Variants in CHAF1A observed in about 807,000 individuals in gnomAD.
CHAF1A encodes the protein CAF-1 subunit A.
A neutral mutation model predicts 93.2 loss-of-function variants in CHAF1A; 5 were observed. The ratio of observed to expected loss-of-function variants is 0.05; its 90% CI spans 0.03 to 0.11. The LOEUF (loss-of-function observed/expected upper bound fraction) is 0.11. CHAF1A is among the 10% of genes least tolerant of loss of function. The pLI, the probability that CHAF1A is intolerant of heterozygous loss-of-function variation, is 1.00. For missense variants in CHAF1A, 1,102 were observed against 1,259.9 expected (o/e 0.87, Z 1.90); for synonymous variants, 504 against 510.3 (o/e 0.99, Z 0.17).
At chr19:4,426,420 G>A (rs1262533815) in intron 7 of CHAF1A, among the ~76,000 whole-genome samples, 1 of 151,930 alleles carries the variant, frequency 6.6e-6, no homozygotes, top group South Asian at 2.1e-4. Flanking sequence ...CGCCCGCCTC[G>A]GCCTCCCAAA....
At chr19:4,405,808 T>C (rs1449688854) in intron 1 of CHAF1A, 104 bp from the exon 2 acceptor site, 1 of 968,100 alleles carries the variant, frequency 1.0e-6, no homozygotes, top group Non-Finnish European at 1.7e-6. Flanking sequence ...GACAGAGGGG[T>C]CAGAATTGCC....
chr19:4,446,405 G>A (rs148557515), downstream of CHAF1A: 153 of 1,577,950 alleles, frequency 9.7e-5, 1 homozygote, highest in East Asian at 2.9e-3. Flanking sequence ...CCGCTCCACC[G>A]CCTCGGACCT....
At position 4,422,634 on chromosome 19, in the gene CHAF1A, G is replaced by A; in HGVS notation, c.1086G>A (p.Glu362=). 2.5e-6 allele frequency: 4 copies of A among 1,598,638 alleles called. No homozygotes were observed. Among genetic ancestry groups the A allele is most frequent in the Non-Finnish European group, 2.6e-6 (3 of 1,172,616 alleles). Residue 362 remains glutamate, a synonymous_variant, in exon 5 of 15, where the codon GAG becomes GAA. Transcript: ENST00000301280. The surrounding 1 kb of genome is among the most constrained non-coding windows in gnomAD (Gnocchi z 4.6). ...GGGAAGAAAAGGAGAAGCTGAAAGA[G>A]GAGGCCAAGCGGGCCAAGGAGGAGG... The part of the protein sequence containing the change: ...AEREEKEKLK[E]EAKRAKEEAK...
At chr19:4,450,740 C>A in the CHAF1A span, 1 of 104,632 alleles carries the variant, frequency 9.6e-6, no homozygotes, top group African/African-American at 3.8e-5. Flanking sequence ...GCCTGGGCGA[C>A]AGAGCGAGAC....
the CHAF1A span, chr19:4,450,355 G>C: frequency 6.6e-6 from 1 of 151,926 alleles, no homozygotes; most frequent in East Asian, 1.9e-4. Flanking sequence ...ATTATACAGA[G>C]ATCAAAAAAT....
Position 4,408,151 on chromosome 19 carries a change from T to C in CHAF1A, c.104-752T>C, listed in dbSNP as rs575048284. ...CCTCCCGAAGTGCTGGGATTATAGA[T>C]GTAAGTCAGTGTACCTGGCTTCAGA... On this transcript the variant is annotated intron_variant, in intron 2 of 14. Coordinates refer to ENST00000301280, the MANE Select transcript of CHAF1A (RefSeq NM_005483.3). Among the ~76,000 whole-genome samples the C allele has an allele frequency of 6.6e-4, 100 of 150,432 alleles. 1 individual carries two copies. The highest frequency in any genetic ancestry group is 2.4e-3 in the African/African-American group (97 of 41,024).
At position 4,433,106 on chromosome 19, in the gene CHAF1A, T is replaced by C. The variant is rs764215462; in HGVS notation, c.2240T>C (p.Val747Ala). 1.1e-5 allele frequency: 17 copies of C among 1,601,460 alleles called. No individual in the cohort carries two copies. Among genetic ancestry groups the C allele is most frequent in the Middle Eastern group, 1.7e-4 (1 of 6,020 alleles). Residue 747 changes from valine to alanine, a missense_variant, in exon 13 of 15, where the codon GTG (valine) becomes GCG (alanine). Val to Ala is a moderately conservative substitution (Grantham distance 64, BLOSUM62 0). Coordinates refer to ENST00000301280, the MANE Select transcript of CHAF1A (RefSeq NM_005483.3). This position sits in a 1 kb window ranked among gnomAD's most constrained non-coding sequence, Gnocchi z 5.6. ...AQLLPLLHGN[V>A]NGSKVIIREF... ...CTGCTGCCGCTCCTGCACGGCAATG[T>C]GAACGGGAGCAAGGTCATCATCCGG...
intron 7 of CHAF1A, among the ~76,000 whole-genome samples, 187 bp downstream of exon 7, chr19:4,424,061 A>G (rs886345637): frequency 5.3e-5 from 8 of 152,202 alleles, no homozygotes; most frequent in African/African-American, 1.9e-4. Context: ...TGTCCCAAAG[A>G]GGTAAAAAGT....
rs1420498643 is a variant in CHAF1A, at chr19:4,428,769, C to T, written c.1483C>T (p.Leu495=). 6.2e-7 allele frequency: 1 copy of T among 1,614,070 alleles called. No homozygotes were observed. The highest frequency in any genetic ancestry group is 1.7e-5 in the Admixed American group (1 of 60,008). ...TTTCCATCCAGACCTCTGCAGTCAG[C>T]TGGACCAGCTCCTCCAGCAGCAGAG... ...TAFHPDLCSQ[L]DQLLQQQSGE... The change falls in exon 8 of 15, where the codon CTG becomes TTG. Residue 495 remains leucine (L), a synonymous_variant. Transcript: ENST00000301280.
intron 12 of CHAF1A, among the ~76,000 whole-genome samples, chr19:4,432,534 G>T (rs1974204079): frequency 1.3e-5 from 2 of 152,126 alleles, no homozygotes; most frequent in South Asian, 4.1e-4. Flanking sequence ...GCCAAGGTGG[G>T]AGGATCGCTT....
chr19:4,446,211 G>A (rs767015341), downstream of CHAF1A: 3 of 1,592,602 alleles, frequency 1.9e-6, no homozygotes, highest in Non-Finnish European at 2.6e-6. Context: ...GGGAGTGGGG[G>A]AGTCAGAGCG....
rs375468594 is a variant in CHAF1A, at chr19:4,422,837, G to A, written c.1247+42G>A. The A allele has an allele frequency of 5.1e-6, 8 of 1,576,872 alleles. No homozygotes were observed. Among genetic ancestry groups the A allele is most frequent in the Admixed American group, 5.1e-5 (3 of 59,208 alleles). On this transcript the variant is annotated intron_variant, in intron 5 of 14. Transcript: ENST00000301280. The surrounding 1 kb of genome is among the most constrained non-coding windows in gnomAD (Gnocchi z 4.6). ...GCCATGCTGGGCCCGCCACCCTGCT[G>A]CTGGATTCCGCTCCTGGCCACTCTG...
chr19:4,427,775 A>C (rs1461144286), intron 7 of CHAF1A, among the ~76,000 whole-genome samples: 2 of 152,140 alleles, frequency 1.3e-5, no homozygotes, highest in Non-Finnish European at 2.9e-5. Flanking sequence ...TTTAGTAGAG[A>C]CCGGGTTTCA....
At chr19:4,415,281 TTTAAA>T (rs1232465283) in intron 3 of CHAF1A, among the ~76,000 whole-genome samples, 3 of 152,160 alleles carry the variant, frequency 2.0e-5, no homozygotes, top group Admixed American at 6.5e-5. Context: ...AGATACCAGT[TTTAAA>T]TTAAGCAGTA....
rs1455514683 is a variant in CHAF1A, at chr19:4,428,711, G to A, written c.1425G>A (p.Glu475=). Residue 475 remains glutamate, a synonymous_variant, in exon 8 of 15, where the codon GAG becomes GAA. Transcript: ENST00000301280. ...AGTTTGCCCCCTTTGAAATTAAAGA[G>A]CACATGGTCCTGGCCCCTCGGCGTC... ...CGKFAPFEIK[E]HMVLAPRRRT... 1 of 1,614,172 alleles carries A rather than the reference G, an allele frequency of 6.2e-7. No homozygotes were observed. The highest frequency in any genetic ancestry group is 8.5e-7 in the Non-Finnish European group (1 of 1,180,034).
intron 7 of CHAF1A, among the ~76,000 whole-genome samples, 188 bp from the exon 8 acceptor site, chr19:4,428,476 C>A (rs1599654444): frequency 6.6e-6 from 1 of 152,166 alleles, no homozygotes; most frequent in East Asian, 1.9e-4. Context: ...GCCCTTGAGA[C>A]TGCCAATCTG....
rs370475592 is a variant in CHAF1A at position 4,414,288 on chromosome 19, C to T, written c.961-3732C>T. On this transcript the variant is annotated intron_variant, in intron 3 of 14. Coordinates refer to ENST00000301280, the MANE Select transcript of CHAF1A (RefSeq NM_005483.3). ...TGGGGGTGCACACCTGTAGTCCCAG[C>T]TCCTTGGGAGGCTGAGGTGGAAGGA... is the stretch of plus-strand genomic sequence containing the variant. Among the ~76,000 whole-genome samples the T allele has an allele frequency of 2.2e-4, 34 of 151,844 alleles. No individual in the cohort carries two copies. In the South Asian group the frequency reaches 5.4e-3, roughly 24 times the overall value.
chr19:4,409,890 G>A (rs191857390), intron 3 of CHAF1A, 131 bp downstream of exon 3: 14 of 1,006,036 alleles, frequency 1.4e-5, no homozygotes, highest in African/African-American at 3.2e-5. Flanking sequence ...GGGACTCGAC[G>A]TGGAGTTCTT....
At chr19:4,427,668 A>C (rs1974109294) in intron 7 of CHAF1A, among the ~76,000 whole-genome samples, 1 of 151,906 alleles carries the variant, frequency 6.6e-6, no homozygotes, top group African/African-American at 2.4e-5. Flanking sequence ...GCTCACTGCA[A>C]CCTCTGCCTC....
Sources: allele counts gnomAD v4.1 joint callset (sites outside exome capture counted in the v4.1 genomes callset), GRCh38; gene constraint gnomAD v4.1.1; non-coding constraint Gnocchi (gnomAD v3.1); transcripts MANE v1.5; gene names NCBI Gene and HGNC (gene_info 2026-07-23, HGNC 2026-07-21).